Variants in NBDY observed in about 807,000 individuals in gnomAD.
The protein encoded by NBDY is negative regulator of P-body association.
chrX:56,782,921 C>G (rs769034205), intron 2 of NBDY, among the ~76,000 whole-genome samples: 13 of 112,433 alleles, frequency 1.2e-4, no homozygotes, highest in Non-Finnish European at 2.4e-4. Flanking sequence ...GACTCATGCA[C>G]ACACAGACAC....
chrX:56,817,662 A>G lies in NBDY; in HGVS notation c.*509A>G, dbSNP rs2069916934. The G allele has an allele frequency of 8.9e-6, 1 of 112,407 alleles. No individual in the cohort carries two copies. Among genetic ancestry groups the G allele is most frequent in the South Asian group, 3.6e-4 (1 of 2,769 alleles). 9.3% of individuals were successfully genotyped at this position (112,407 alleles called of 1,213,427 possible). ...AACTCCTATGTAAAGCATTACTAAA[A>G]TTAGTGTTGAAATATGACCTTCTTC... On this transcript the variant is annotated 3_prime_UTR_variant, in exon 3 of 3. Coordinates refer to ENST00000374922, the MANE Select transcript of NBDY (RefSeq NM_001348129.2).
rs1402019995 is a variant in NBDY at position 56,814,600 on chromosome X, C to A, written c.*167-2720C>A. On this transcript the variant is annotated intron_variant, in intron 2 of 2. Transcript: ENST00000374922. ...CTCCACCTCCCAGGTTCAACCGATT[C>A]TTCTGCCTCAGGCTCCTGAGCAGCT... Among the ~76,000 whole-genome samples the A allele has an allele frequency of 2.7e-5, 3 of 109,464 alleles. No individual in the cohort carries two copies. In the East Asian group the frequency reaches 8.6e-4, roughly 32 times the overall value.
intron 2 of NBDY, among the ~76,000 whole-genome samples, chrX:56,759,693 C>T (rs1003848488): frequency 5.4e-5 from 6 of 111,578 alleles, no homozygotes; most frequent in South Asian, 3.8e-4. Context: ...GGCGACAAGC[C>T]GTCCACAGGC....
At chrX:56,789,441 T>C (rs758154124) in intron 2 of NBDY, among the ~76,000 whole-genome samples, 1 of 112,148 alleles carries the variant, frequency 8.9e-6, no homozygotes, top group African/African-American at 3.2e-5. Flanking sequence ...CAGATTCCTC[T>C]AGGAATTGGC....
chrX:56,788,010 G>T (rs914233469), intron 2 of NBDY, among the ~76,000 whole-genome samples: 13 of 112,469 alleles, frequency 1.2e-4, no homozygotes, highest in African/African-American at 3.9e-4. Context: ...GTCCTCCTGT[G>T]GTTTCCCAGA....
At chrX:56,789,984 CTTTG>C (rs2069752336) in intron 2 of NBDY, among the ~76,000 whole-genome samples, 1 of 111,151 alleles carries the variant, frequency 9.0e-6, no homozygotes, top group South Asian at 3.8e-4. Flanking sequence ...GTGTCTGTGC[CTTTG>C]TTTGATACAG....
intron 2 of NBDY, among the ~76,000 whole-genome samples, chrX:56,736,622 A>C (rs2069495491): frequency 8.9e-6 from 1 of 112,835 alleles, no homozygotes; most frequent in African/African-American, 3.2e-5. Flanking sequence ...CTTTTAACTG[A>C]TGAGTATCCA....
chrX:56,789,030 T>G (rs1266885748), intron 2 of NBDY, among the ~76,000 whole-genome samples: 1 of 112,937 alleles, frequency 8.9e-6, no homozygotes, highest in African/African-American at 3.2e-5. Context: ...AACATCTTCC[T>G]CTGGGTGGCA....
At chrX:56,811,755 G>A (rs1039326161) in intron 2 of NBDY, among the ~76,000 whole-genome samples, 5 of 111,747 alleles carry the variant, frequency 4.5e-5, no homozygotes, top group African/African-American at 1.6e-4. Flanking sequence ...TCCTTTCCAA[G>A]GGAGTGAATG....
At chrX:56,765,324 C>T (rs193250128) in intron 2 of NBDY, among the ~76,000 whole-genome samples, 11 of 112,083 alleles carry the variant, frequency 9.8e-5, no homozygotes, top group Admixed American at 2.8e-4. Flanking sequence ...CTTTTTTGGG[C>T]GGTCCTTCCC....
intron 2 of NBDY, among the ~76,000 whole-genome samples, chrX:56,745,409 A>G (rs1056228397): frequency 9.0e-6 from 1 of 110,719 alleles, no homozygotes; most frequent in African/African-American, 3.3e-5. Flanking sequence ...TCTAAATACT[A>G]TATACATATA....
intron 2 of NBDY, chrX:56,737,418 T>A (rs2069501736): frequency 6.2e-6 from 4 of 648,211 alleles, no homozygotes; most frequent in Admixed American, 4.6e-5. Context: ...TTATAAAGGT[T>A]CTCAGGAAGC....
At chrX:56,781,658 G>T (rs11091578) in intron 2 of NBDY, among the ~76,000 whole-genome samples, 45 of 110,244 alleles carry the variant, frequency 4.1e-4, no homozygotes, top group African/African-American at 1.4e-3. Flanking sequence ...CTTTTCGTCC[G>T]CTTCTGTTTA....
intron 2 of NBDY, chrX:56,737,695 G>A (rs928171448): frequency 2.5e-5 from 6 of 235,361 alleles, no homozygotes; most frequent in Non-Finnish European, 3.7e-5. Flanking sequence ...TAAATACATA[G>A]AAAAAGTGTG....
At chrX:56,811,203 G>C (rs757934486) in intron 2 of NBDY, 2 of 111,934 alleles carry the variant, frequency 1.8e-5, no homozygotes, top group Non-Finnish European at 3.8e-5. Context: ...CCTACTGGGA[G>C]GTGTCTCCCA....
At chrX:56,743,125 T>C (rs1185055964) in intron 2 of NBDY, among the ~76,000 whole-genome samples, 3 of 111,646 alleles carry the variant, frequency 2.7e-5, no homozygotes, top group Admixed American at 1.9e-4. Flanking sequence ...GTATCACCAC[T>C]GTTGAACCAT....
intron 2 of NBDY, among the ~76,000 whole-genome samples, chrX:56,739,236 G>GTATATATATATATATATATATA (rs67727538): frequency 2.1e-4 from 12 of 58,048 alleles, no homozygotes; most frequent in African/African-American, 5.4e-4. Flanking sequence ...GTGTTTGTGT[G>GTATATATATATATATATATATA]TGTATATATA....
At chrX:56,752,411 A>G (rs1161956491) in intron 2 of NBDY, among the ~76,000 whole-genome samples, 1 of 109,565 alleles carries the variant, frequency 9.1e-6, no homozygotes, top group Non-Finnish European at 1.9e-5. Flanking sequence ...TTGGTGTGAG[A>G]TTTTTTTTAT....
intron 2 of NBDY, among the ~76,000 whole-genome samples, chrX:56,746,695 A>T (rs946455237): frequency 9.1e-6 from 1 of 110,018 alleles, no homozygotes; most frequent in Non-Finnish European, 1.9e-5. Flanking sequence ...GCCACTGTAG[A>T]TCTGTAGATC....
Sources: allele counts gnomAD v4.1 joint callset (sites outside exome capture counted in the v4.1 genomes callset), GRCh38; gene constraint gnomAD v4.1.1; transcripts MANE v1.5; gene names NCBI Gene and HGNC (gene_info 2026-07-23, HGNC 2026-07-21).